Variants in PDE3B observed in about 807,000 individuals in gnomAD.
PDE3B encodes the protein cGMP-inhibited 3',5'-cyclic phosphodiesterase 3B.
Under a neutral mutation model 116.8 loss-of-function variants are expected in PDE3B, and 66 were observed. The observed-to-expected ratio is 0.56, with a 90% CI of 0.46 to 0.69. PDE3B has a LOEUF of 0.69. PDE3B is among the 30% of genes least tolerant of loss of function. The pLI, the probability that PDE3B is intolerant of heterozygous loss-of-function variation, is 0.00. For synonymous variants in PDE3B, 595 were observed against 533.6 expected, an observed-to-expected ratio of 1.12 and a Z score of -1.59; for missense variants, 1,384 against 1,368.1, an observed-to-expected ratio of 1.01 and a Z score of -0.18.
intron 1 of PDE3B, among the ~76,000 whole-genome samples, chr11:14,694,259 A>G (rs1418024069): frequency 1.3e-5 from 2 of 152,222 alleles, no homozygotes; most frequent in Non-Finnish European, 2.9e-5. Context: ...AACTTAGTGG[A>G]TAAAGCAGTG....
At chr11:14,827,620 A>G (rs1859739893) in intron 7 of PDE3B, among the ~76,000 whole-genome samples, 1 of 152,170 alleles carries the variant, frequency 6.6e-6, no homozygotes, top group Non-Finnish European at 1.5e-5. Flanking sequence ...GAGGTTAAAG[A>G]CCTCTACAAT....
intron 12 of PDE3B, among the ~76,000 whole-genome samples, chr11:14,845,485 C>T (rs972171513): frequency 9.2e-5 from 14 of 152,062 alleles, no homozygotes; most frequent in Admixed American, 2.6e-4. Context: ...CAAAGCTGGA[C>T]GGAGAATGAC....
intron 1 of PDE3B, among the ~76,000 whole-genome samples, chr11:14,675,514 G>T (rs900295508): frequency 6.6e-6 from 1 of 151,818 alleles, no homozygotes; most frequent in African/African-American, 2.4e-5. Flanking sequence ...ACTTCTTTCC[G>T]GTCTGTTCCA....
Position 14,869,532 on chromosome 11 carries a change from A to G in PDE3B, c.3211A>G (p.Ile1071Val), listed in dbSNP as rs782174873. 1 of 1,613,948 alleles carries G rather than the reference A, an allele frequency of 6.2e-7. No homozygotes were observed. The highest frequency in any genetic ancestry group is 8.5e-7 in the Non-Finnish European group (1 of 1,179,968). ...GCACCACCTCACTGAAAACCACAAG[A>G]TATGGAAGGAAATCGTAGAGGAAGA... is the stretch of plus-strand genomic sequence containing the variant. Reference protein sequence around the residue: ...LMHHLTENHKIWKEIVEEEEK... With the variant: ...LMHHLTENHKVWKEIVEEEEK... Residue 1071 changes from isoleucine to valine, a missense_variant, in exon 16 of 16, where the codon ATA becomes GTA. Physicochemically the swap from Ile to Val is conservative, Grantham distance 29 (BLOSUM62 3). Around this residue, in one of 2 missense-constraint regions of PDE3B, gnomAD observed 428 missense variants for 561.4 expected, o/e 0.76. Coordinates refer to ENST00000282096, the MANE Select transcript of PDE3B (RefSeq NM_000922.4).
At chr11:14,812,770 T>G (rs1448296128) in intron 5 of PDE3B, among the ~76,000 whole-genome samples, 2 of 152,208 alleles carry the variant, frequency 1.3e-5, no homozygotes, top group Non-Finnish European at 2.9e-5. Context: ...TTATGAAAGG[T>G]TATATCCAAT....
At chr11:14,814,488 T>C (rs924642817) in intron 5 of PDE3B, among the ~76,000 whole-genome samples, 1 of 152,154 alleles carries the variant, frequency 6.6e-6, no homozygotes, top group African/African-American at 2.4e-5. Flanking sequence ...AAACACCATT[T>C]ACCACAGCAT....
At chr11:14,651,986 T>C (rs1210034153) in intron 1 of PDE3B, among the ~76,000 whole-genome samples, 1 of 152,206 alleles carries the variant, frequency 6.6e-6, no homozygotes, top group Admixed American at 6.5e-5. Context: ...TATCTACTTT[T>C]TCTTTTGTTG....
At chr11:14,695,317 TGA>T (rs1251295398) in intron 1 of PDE3B, among the ~76,000 whole-genome samples, 3 of 152,182 alleles carry the variant, frequency 2.0e-5, no homozygotes, top group Admixed American at 6.5e-5. Context: ...TTCCATAGTT[TGA>T]ATGGACCACA....
intron 1 of PDE3B, among the ~76,000 whole-genome samples, chr11:14,738,180 T>C (rs1856657309): frequency 6.6e-6 from 1 of 152,190 alleles, no homozygotes; most frequent in South Asian, 2.1e-4. Context: ...TCTAGATCCC[T>C]GAGGAATCGC....
intron 1 of PDE3B, among the ~76,000 whole-genome samples, chr11:14,771,733 A>G (rs1010625174): frequency 7.9e-5 from 12 of 151,734 alleles, no homozygotes; most frequent in Non-Finnish European, 1.5e-4. Context: ...CTTTATTGTG[A>G]TAATTCTTTA....
rs138055782 is a variant in PDE3B, at chr11:14,841,175, C to T, written c.2321-2652C>T. ...GAAACAAAGAGTGACCTCCTCTGAG[C>T]AAACAGGAATTCCACCAGTAGACAG... is the stretch of plus-strand genomic sequence containing the variant. On this transcript the variant is annotated intron_variant, in intron 11 of 15. Transcript: ENST00000282096. Among the ~76,000 whole-genome samples, 4 of 151,946 alleles carry T rather than the reference C, an allele frequency of 2.6e-5. No homozygotes were observed. The East Asian group carries it at 7.8e-4, about 29-fold the overall frequency.
At chr11:14,706,090 C>A (rs1262606529) in intron 1 of PDE3B, among the ~76,000 whole-genome samples, 2 of 151,554 alleles carry the variant, frequency 1.3e-5, no homozygotes, top group Admixed American at 1.3e-4. Flanking sequence ...ATAGCAATAA[C>A]CTACCTTCCT....
intron 1 of PDE3B, among the ~76,000 whole-genome samples, chr11:14,692,787 G>C (rs1435374519): frequency 6.6e-6 from 1 of 152,016 alleles, no homozygotes; most frequent in Non-Finnish European, 1.5e-5. Context: ...AATGAAAATG[G>C]GCCGATTAAT....
At chr11:14,885,841 T>C in the PDE3B span, 3 of 1,613,568 alleles carry the variant, frequency 1.9e-6, no homozygotes, top group Admixed American at 3.3e-5. Flanking sequence ...TTCGCTTTGA[T>C]GAACAAGGCA....
chr11:14,662,585 A>G (rs1442376714), intron 1 of PDE3B, among the ~76,000 whole-genome samples: 1 of 152,202 alleles, frequency 6.6e-6, no homozygotes, highest in Non-Finnish European at 1.5e-5. Flanking sequence ...ATGTATAACT[A>G]GAATAACCAA....
At chr11:14,891,800 C>T in the PDE3B span, 4 of 1,408,464 alleles carry the variant, frequency 2.8e-6, no homozygotes, top group Non-Finnish European at 3.7e-6. Flanking sequence ...TGCAAGGGGG[C>T]ACGGCGTCGA....
At chr11:14,854,654 C>T (rs368812614) in intron 12 of PDE3B, among the ~76,000 whole-genome samples, 7 of 152,012 alleles carry the variant, frequency 4.6e-5, no homozygotes, top group South Asian at 2.1e-4. Flanking sequence ...GTAGCTGAGA[C>T]TACAGGGGCA....
intron 12 of PDE3B, among the ~76,000 whole-genome samples, chr11:14,846,152 T>C (rs564795273): frequency 8.3e-4 from 126 of 152,254 alleles, no homozygotes; most frequent in African/African-American, 2.8e-3. Context: ...CAGCAGAAAC[T>C]CTACAAGCCA....
rs144327656 is a variant in PDE3B at position 14,843,951 on chromosome 11, C to T, written c.2445C>T (p.Tyr815=). The T allele has an allele frequency of 1.2e-5, 20 of 1,613,930 alleles. No homozygotes were observed. Among genetic ancestry groups the T allele is most frequent in the African/African-American group, 2.7e-5 (2 of 74,910 alleles). The change falls in exon 12 of 16, where the codon TAC becomes TAT. Residue 815 remains tyrosine, a synonymous_variant. Coordinates refer to ENST00000282096, the MANE Select transcript of PDE3B (RefSeq NM_000922.4). ...CTGCATTAGAATTGATGGCTCTATA[C>T]GTGGCAGCTGCCATGCATGATTATG... is the stretch of plus-strand genomic sequence containing the variant. ...NIPALELMAL[Y]VAAAMHDYDH... is the part of the protein sequence containing the mutation.
Sources: allele counts gnomAD v4.1 joint callset (sites outside exome capture counted in the v4.1 genomes callset), GRCh38; gene constraint gnomAD v4.1.1; regional missense constraint gnomAD v4.1.1; transcripts MANE v1.5; gene names NCBI Gene and HGNC (gene_info 2026-07-23, HGNC 2026-07-21).